Variants in PCDHA4 observed in about 807,000 individuals in gnomAD.
The protein encoded by PCDHA4 is protocadherin alpha 4.
Under a neutral mutation model 61.4 loss-of-function variants are expected in PCDHA4, and 49 were observed. The observed-to-expected ratio is 0.80, with a 90% CI of 0.63 to 1.01. The LOEUF (loss-of-function observed/expected upper bound fraction) is 1.01. Ranked by LOEUF, PCDHA4 falls within the 50% of genes least tolerant of loss-of-function variation. The pLI is 0.00. For synonymous variants in PCDHA4, 590 were observed against 550.3 expected (o/e 1.07, Z -1.01); for missense variants, 1,254 against 1,235.8 (o/e 1.01, Z -0.22).
chr5:140,818,304 T>A (rs1766328440), intron 1 of PCDHA4, among the ~76,000 whole-genome samples: 1 of 152,256 alleles, frequency 6.6e-6, no homozygotes, highest in Non-Finnish European at 1.5e-5. Context: ...CTGACCCATC[T>A]TTTACTTTAG....
chr5:140,829,861 G>C (rs2150176439), intron 1 of PCDHA4: 1 of 1,613,956 alleles, frequency 6.2e-7, no homozygotes, highest in Non-Finnish European at 8.5e-7. Context: ...CAGGCCAAGT[G>C]GTGGCGAAGG....
intron 1 of PCDHA4, chr5:140,822,167 G>C (rs1554128482): frequency 6.2e-7 from 1 of 1,614,252 alleles, no homozygotes; most frequent in Non-Finnish European, 8.5e-7. Context: ...AATCCGCCCA[G>C]GTTCTCCAGA....
chr5:140,870,385 G>A, intron 1 of PCDHA4: 1 of 1,614,240 alleles, frequency 6.2e-7, no homozygotes. Context: ...GACTGCGCGG[G>A]ATGGGGGTTC....
intron 1 of PCDHA4, among the ~76,000 whole-genome samples, chr5:140,957,549 C>T (rs563057107): frequency 6.6e-6 from 1 of 152,038 alleles, no homozygotes; most frequent in South Asian, 2.1e-4. Flanking sequence ...AAAGTATTCT[C>T]TGTGGAAAAG....
chr5:140,895,174 A>T (rs1554186407), intron 1 of PCDHA4, among the ~76,000 whole-genome samples: 2 of 152,150 alleles, frequency 1.3e-5, no homozygotes, highest in African/African-American at 4.8e-5. Context: ...ATCTATTTGT[A>T]GTCCCTTCTG....
At chr5:140,967,405 G>A in intron 1 of PCDHA4, 1 of 1,612,164 alleles carries the variant, frequency 6.2e-7, no homozygotes, top group Non-Finnish European at 8.5e-7. Context: ...TGCTGCGTAA[G>A]GGCCTAGACC....
chr5:140,983,329 A>G (rs1359569826), intron 3 of PCDHA4, among the ~76,000 whole-genome samples: 8 of 152,228 alleles, frequency 5.3e-5, no homozygotes, highest in Admixed American at 6.5e-5. Flanking sequence ...TTCTTGCCCT[A>G]TCACTAAAGC....
chr5:140,891,596 A>T (rs191602934), intron 1 of PCDHA4, among the ~76,000 whole-genome samples: 2 of 152,134 alleles, frequency 1.3e-5, no homozygotes, highest in African/African-American at 4.8e-5. Flanking sequence ...ACTCTATCCC[A>T]TCTATTTCTA....
At chr5:140,862,371 T>C in intron 1 of PCDHA4, 1 of 341,736 alleles carries the variant, frequency 2.9e-6, no homozygotes, top group Non-Finnish European at 5.8e-6. Flanking sequence ...ACCCGCACCC[T>C]GACTCCTCAC....
chr5:140,927,366 A>G (rs782348018), intron 1 of PCDHA4: 29 of 1,614,088 alleles, frequency 1.8e-5, no homozygotes, highest in Admixed American at 1.7e-4. Context: ...GCAATGGGAT[A>G]CTAAGCTACA....
chr5:140,881,283 A>T, intron 1 of PCDHA4: 1 of 799,388 alleles, frequency 1.3e-6, no homozygotes, highest in Non-Finnish European at 1.5e-6. Flanking sequence ...TAAGATGGAG[A>T]GAGAAAATGG....
chr5:140,858,663 C>A, intron 1 of PCDHA4: 1 of 735,366 alleles, frequency 1.4e-6, no homozygotes, highest in Non-Finnish European at 2.1e-6. Flanking sequence ...TTTTAAATAA[C>A]AATTTATTCT....
At chr5:140,907,647 G>A (rs1336039908) in intron 1 of PCDHA4, among the ~76,000 whole-genome samples, 1 of 152,192 alleles carries the variant, frequency 6.6e-6, no homozygotes, top group East Asian at 1.9e-4. Flanking sequence ...CTGGCAAATT[G>A]GGCACTCAGC....
chr5:140,826,588 A>T (rs1554130595), intron 1 of PCDHA4, among the ~76,000 whole-genome samples: 1 of 152,184 alleles, frequency 6.6e-6, no homozygotes, highest in African/African-American at 2.4e-5. Flanking sequence ...CAAATGGATA[A>T]CATTAAGGTT....
At chr5:140,879,229 T>C (rs1415984062) in intron 1 of PCDHA4, among the ~76,000 whole-genome samples, 2 of 152,102 alleles carry the variant, frequency 1.3e-5, no homozygotes, top group African/African-American at 2.4e-5. Context: ...AAAAGACATA[T>C]ACAAGAGGCA....
intron 1 of PCDHA4, among the ~76,000 whole-genome samples, chr5:140,895,413 C>G (rs141941836): frequency 6.6e-6 from 1 of 152,122 alleles, no homozygotes; most frequent in Non-Finnish European, 1.5e-5. Flanking sequence ...GCCCCATAAC[C>G]TTCTTTTGCT....
chr5:140,943,006 C>G (rs1314561126), intron 1 of PCDHA4, among the ~76,000 whole-genome samples: 1 of 151,932 alleles, frequency 6.6e-6, no homozygotes, highest in East Asian at 1.9e-4. Context: ...CCTGTAATCC[C>G]AGCACTTTGG....
chr5:140,823,040 T>C (rs2150121625), intron 1 of PCDHA4: 2 of 1,614,210 alleles, frequency 1.2e-6, no homozygotes, highest in Admixed American at 1.7e-5. Context: ...GTCTATGAGC[T>C]GGTGGTGACC....
intron 1 of PCDHA4, chr5:140,870,539 G>C (rs367673976): frequency 1.2e-5 from 20 of 1,614,040 alleles, no homozygotes; most frequent in Admixed American, 1.7e-5. Context: ...GTGTCGGCGC[G>C]GGACGCGGAC....
Sources: gnomAD v4.1 joint callset for allele counts (sites outside exome capture counted in the v4.1 genomes callset) on GRCh38, gnomAD v4.1.1 for gene constraint, MANE v1.5 for transcripts, NCBI Gene and HGNC (gene_info 2026-07-23, HGNC 2026-07-21) for gene names.